Variants in CBR4 observed in about 807,000 individuals in gnomAD.
CBR4 encodes carbonyl reductase 4.
CBR4 carries 22 observed loss-of-function variants against 21.0 expected under a neutral mutation model. That is an observed-to-expected ratio of 1.05 (90% CI 0.75 to 1.50). CBR4 has a LOEUF of 1.50. Among genes scored for constraint, CBR4 ranks in the 40% most tolerant of loss-of-function variants. The pLI is 0.00. For synonymous variants in CBR4, 100 were observed against 104.4 expected (o/e 0.96, Z 0.26); for missense variants, 302 against 286.3 (o/e 1.05, Z -0.40).
intron 2 of CBR4, among the ~76,000 whole-genome samples, chr4:168,920,379 T>C (rs1294097276): frequency 1.3e-5 from 2 of 152,214 alleles, no homozygotes; most frequent in Non-Finnish European, 2.9e-5. Context: ...ATCAGTTGAG[T>C]ATCACGTAGC....
At chr4:168,965,796 CCCTAGAAGAAAA>C (rs1331641631) in intron 2 of CBR4, among the ~76,000 whole-genome samples, 4 of 152,082 alleles carry the variant, frequency 2.6e-5, no homozygotes, top group African/African-American at 9.7e-5. Flanking sequence ...ACCATAAAAA[CCCTAGAAGAAAA>C]CCTAGGCAAT....
chr4:168,895,147 G>T (rs1754832609), intron 2 of CBR4, among the ~76,000 whole-genome samples: 1 of 152,180 alleles, frequency 6.6e-6, no homozygotes, highest in African/African-American at 2.4e-5. Context: ...ACTTTGGGAG[G>T]CTGAGGTGGG....
At chr4:168,899,873 G>A (rs1223827820) in intron 2 of CBR4, among the ~76,000 whole-genome samples, 2 of 150,594 alleles carry the variant, frequency 1.3e-5, no homozygotes, top group Non-Finnish European at 2.9e-5. Flanking sequence ...CCAAGATCGC[G>A]CCATTGCACT....
At chr4:168,942,803 G>A (rs1763298594) in intron 2 of CBR4, among the ~76,000 whole-genome samples, 1 of 151,950 alleles carries the variant, frequency 6.6e-6, no homozygotes, top group Admixed American at 6.6e-5. Context: ...TTAAAAAATA[G>A]GCAAGGGATC....
chr4:168,922,102 T>TAC (rs35503011), intron 2 of CBR4, among the ~76,000 whole-genome samples: 11,052 of 132,284 alleles, frequency 0.084, 492 homozygotes, highest in African/African-American at 0.12. Flanking sequence ...TATATATATA[T>TAC]ACACACACAC....
At chr4:168,961,524 CCA>C (rs1426363284) in intron 2 of CBR4, among the ~76,000 whole-genome samples, 1 of 152,046 alleles carries the variant, frequency 6.6e-6, no homozygotes, top group African/African-American at 2.4e-5. Context: ...GGTGGAAAGT[CCA>C]CAGTTTCCAG....
intron 2 of CBR4, among the ~76,000 whole-genome samples, chr4:168,978,423 G>A (rs1439692542): frequency 6.6e-6 from 1 of 152,114 alleles, no homozygotes; most frequent in Non-Finnish European, 1.5e-5. Context: ...AGTCCAAGAG[G>A]ACATGTTGGG....
chr4:168,899,408 GA>G (rs957610710), intron 2 of CBR4, among the ~76,000 whole-genome samples: 1 of 152,056 alleles, frequency 6.6e-6, no homozygotes, highest in African/African-American at 2.4e-5. Flanking sequence ...AAAAAAAAGG[GA>G]AAAAATTAAA....
intron 4 of CBR4, among the ~76,000 whole-genome samples, chr4:168,993,438 T>C (rs970725835): frequency 6.6e-6 from 1 of 152,138 alleles, no homozygotes; most frequent in Admixed American, 6.5e-5. Flanking sequence ...CCTGAACTCC[T>C]GACCTCAGGT....
At position 168,987,806 on chromosome 4, in the gene CBR4, C is replaced by G. The variant is rs1461324136; in HGVS notation, c.*2344G>C. 2 of 979,472 alleles carry G rather than the reference C, an allele frequency of 2.0e-6. No individual in the cohort carries two copies. Among genetic ancestry groups the G allele is most frequent in the African/African-American group, 1.8e-5 (1 of 57,038 alleles). The allele number at this position is 979,472 out of a possible 1,614,324, so 60.7% of individuals were successfully genotyped here. ...AATTATCCTCTTTGCACAATTATTC[C>G]CCCCAAAACTAATTTATAACATATA... On this transcript the variant is annotated 3_prime_UTR_variant, in exon 5 of 5. Transcript: ENST00000306193.
intron 2 of CBR4, among the ~76,000 whole-genome samples, chr4:168,915,251 C>T (rs1213237698): frequency 6.6e-6 from 1 of 152,148 alleles, no homozygotes; most frequent in Admixed American, 6.5e-5. Flanking sequence ...TTGTATTCAA[C>T]ATCTTTTAAG....
At position 168,987,751 on chromosome 4, in the gene CBR4, T is replaced by C; in HGVS notation, c.*2399A>G. 3 of 985,186 alleles carry C rather than the reference T, an allele frequency of 3.0e-6. No homozygotes were observed. Among genetic ancestry groups the C allele is most frequent in the Non-Finnish European group, 3.6e-6 (3 of 829,692 alleles). 61.0% of individuals were successfully genotyped at this position (985,186 alleles called of 1,614,324 possible). On this transcript the variant is annotated 3_prime_UTR_variant, in exon 5 of 5. Transcript: ENST00000306193. ...GAATATGCAGCGTAGTCTTCTCTCT[T>C]TATTCTGAATAACAGAAGCACGTAA...
chr4:169,003,076 T>G (rs1415551650), intron 3 of CBR4, among the ~76,000 whole-genome samples: 2 of 152,236 alleles, frequency 1.3e-5, no homozygotes, highest in Non-Finnish European at 2.9e-5. Flanking sequence ...ACAATATCCT[T>G]TCTTCAGCTC....
chr4:168,944,272 C>T (rs1281073589), intron 2 of CBR4, among the ~76,000 whole-genome samples: 1 of 151,464 alleles, frequency 6.6e-6, no homozygotes, highest in East Asian at 1.9e-4. Flanking sequence ...TAGTGAGACC[C>T]CCCATCTCTA....
At position 168,987,884 on chromosome 4, in the gene CBR4, T is replaced by G. The variant is rs1048984473; in HGVS notation, c.*2266A>C. The G allele has an allele frequency of 1.1e-5, 11 of 981,090 alleles. No individual in the cohort carries two copies. The highest frequency in any genetic ancestry group is 1.3e-5 in the Non-Finnish European group (11 of 826,250). The allele number at this position is 981,090 out of a possible 1,614,324, so 60.8% of individuals were successfully genotyped here. On this transcript the variant is annotated 3_prime_UTR_variant, in exon 5 of 5. Transcript: ENST00000306193. ...CCATAAATTGAATATGAATAAAATA[T>G]GAAAAAGAGCACAAATTTTAAAGCC...
At chr4:168,985,947 C>G (rs765084180), downstream of CBR4, among the ~76,000 whole-genome samples, 8 of 152,076 alleles carry the variant, frequency 5.3e-5, no homozygotes, top group African/African-American at 9.7e-5. Flanking sequence ...GAAAAACTAC[C>G]TATCAGGTAT....
chr4:168,919,906 G>A (rs1761083911), intron 2 of CBR4, among the ~76,000 whole-genome samples: 1 of 152,176 alleles, frequency 6.6e-6, no homozygotes, highest in Admixed American at 6.5e-5. Context: ...GGTACAAGGG[G>A]CATTCTCTTT....
At chr4:168,921,060 C>CAAAGTTTAAAGCA (rs1420360471) in intron 2 of CBR4, among the ~76,000 whole-genome samples, 2 of 151,970 alleles carry the variant, frequency 1.3e-5, no homozygotes, top group African/African-American at 4.8e-5. Flanking sequence ...CTCAGGAAGC[C>CAAAGTTTAAAGCA]AAAGTTTAAA....
Position 168,921,585 on chromosome 4 carries a change from G to A in CBR4, n.170-26820C>T, listed in dbSNP as rs551420048. The A allele has an allele frequency of 3.2e-5, 51 of 1,609,324 alleles. No individual in the cohort carries two copies. The highest frequency in any genetic ancestry group is 3.0e-4 in the South Asian group (27 of 90,558). Reference sequence around the variant, plus strand: ...AAGCTGGCAACTAGATGGAAAGCCCGTACGCCCTGACAGTGCTCACAAGAT... The same window carrying A: ...AAGCTGGCAACTAGATGGAAAGCCCATACGCCCTGACAGTGCTCACAAGAT... On this transcript the variant is annotated intron_variant and non_coding_transcript_variant, in intron 2 of 3. Transcript: ENST00000509108.
Sources: allele counts gnomAD v4.1 joint callset (sites outside exome capture counted in the v4.1 genomes callset), GRCh38; gene constraint gnomAD v4.1.1; transcripts MANE v1.5; gene names NCBI Gene and HGNC (gene_info 2026-07-23, HGNC 2026-07-21).